RTN4: variants seen among roughly 807,000 people sequenced by gnomAD.
RTN4 encodes reticulon 4.
RTN4 carries 32 observed loss-of-function variants against 90.4 expected under a neutral mutation model. That is an observed-to-expected ratio of 0.35 (90% CI 0.27 to 0.48). The LOEUF (loss-of-function observed/expected upper bound fraction) is 0.48. Ranked by LOEUF, RTN4 falls within the 20% of genes least tolerant of loss-of-function variation. The pLI is 0.99. For missense variants in RTN4, 1,706 were observed against 1,430.2 expected, an observed-to-expected ratio of 1.19 and a Z score of -3.11; for synonymous variants, 629 against 552.5, an observed-to-expected ratio of 1.14 and a Z score of -1.94.
At chr2:55,088,994 G>A (rs368095048) in intron 1 of RTN4, among the ~76,000 whole-genome samples, 5 of 152,148 alleles carry the variant, frequency 3.3e-5, no homozygotes, top group South Asian at 2.1e-4. Flanking sequence ...GTGCAGTGGC[G>A]CGATCTCAGC....
At chr2:55,017,547 A>G (rs183151005) in intron 3 of RTN4, among the ~76,000 whole-genome samples, 161 of 152,336 alleles carry the variant, frequency 1.1e-3, no homozygotes, top group African/African-American at 3.4e-3. Flanking sequence ...TCAGCAAGAC[A>G]CAATCTATAT....
At chr2:55,096,928 C>A (rs1302528799) in intron 1 of RTN4, among the ~76,000 whole-genome samples, 1 of 151,800 alleles carries the variant, frequency 6.6e-6, no homozygotes, top group Non-Finnish European at 1.5e-5. Context: ...TGGATAATTG[C>A]AAGGTTGTTA....
Position 54,997,301 on chromosome 2 carries a change from A to G in RTN4, c.3014-9603T>C, listed in dbSNP as rs1230157931. Among the ~76,000 whole-genome samples, 13 of 152,316 alleles carry G rather than the reference A, an allele frequency of 8.5e-5. No homozygotes were observed. The East Asian group carries it at 2.1e-3, about 25-fold the overall frequency. On this transcript the variant is annotated intron_variant, in intron 3 of 8. Transcript: ENST00000337526. ...TATAAAAATGCAAACCAAAACCACA[A>G]TGAGATACCACTTCATACCCCCTAG...
At chr2:54,978,366 G>T (rs938371125) in intron 5 of RTN4, among the ~76,000 whole-genome samples, 2 of 146,578 alleles carry the variant, frequency 1.4e-5, no homozygotes, top group African/African-American at 5.0e-5. Context: ...GAAGGCAAAG[G>T]TTGCAGTGAG....
At chr2:55,132,492 G>C in the RTN4 span, among the ~76,000 whole-genome samples, 1 of 129,480 alleles carries the variant, frequency 7.7e-6, no homozygotes, top group Admixed American at 8.5e-5. Context: ...AACAGAGTGA[G>C]ACTCTGTCTC....
intron 1 of RTN4, among the ~76,000 whole-genome samples, chr2:55,101,669 C>T (rs1239144145): frequency 2.0e-5 from 3 of 152,116 alleles, no homozygotes; most frequent in Non-Finnish European, 2.9e-5. Context: ...ACCAGCTACA[C>T]AGAGATGAAA....
chr2:55,131,247 C>T, the RTN4 span, among the ~76,000 whole-genome samples: 2 of 150,782 alleles, frequency 1.3e-5, no homozygotes, highest in South Asian at 4.2e-4. Flanking sequence ...CTCACCCTTT[C>T]ACCCAGGCTG....
chr2:55,078,629 G>A lies in RTN4; in HGVS notation c.-63+1860C>T, dbSNP rs1345241743. Among the ~76,000 whole-genome samples, 3 of 152,168 alleles carry A rather than the reference G, an allele frequency of 2.0e-5. No homozygotes were observed. The East Asian group carries it at 5.8e-4, about 29-fold the overall frequency. On this transcript the variant is annotated intron_variant, in intron 2 of 3. Coordinates refer to the RTN4 transcript ENST00000427710. Reference sequence around the variant, plus strand: ...ATACTTGCAAGATACTATCCTGTGAGTTGTGAGCATATAAAATGACTCAAA... The same window carrying A: ...ATACTTGCAAGATACTATCCTGTGAATTGTGAGCATATAAAATGACTCAAA...
intron 2 of RTN4, among the ~76,000 whole-genome samples, chr2:55,078,210 G>A (rs138461647): frequency 2.1e-3 from 318 of 152,072 alleles, no homozygotes; most frequent in African/African-American, 7.2e-3. Context: ...AGAAATAATG[G>A]TTTTTAACAG....
chr2:55,128,245 G>C, the RTN4 span, among the ~76,000 whole-genome samples: 1 of 152,144 alleles, frequency 6.6e-6, no homozygotes, highest in Non-Finnish European at 1.5e-5. Context: ...TGGGACTGCT[G>C]TGTCAAGGAA....
intron 3 of RTN4, among the ~76,000 whole-genome samples, chr2:55,007,906 C>T (rs1680347130): frequency 1.3e-5 from 2 of 152,028 alleles, no homozygotes. Context: ...ATATCATTCT[C>T]CTACCCCATC....
At chr2:54,983,757 TTAGA>T (rs1410154751) in intron 4 of RTN4, among the ~76,000 whole-genome samples, 1 of 152,220 alleles carries the variant, frequency 6.6e-6, no homozygotes, top group African/African-American at 2.4e-5. Context: ...GTGAGCTATC[TTAGA>T]TAGTGCTGTC....
chr2:55,136,336 G>A, the RTN4 span, among the ~76,000 whole-genome samples: 4 of 152,294 alleles, frequency 2.6e-5, no homozygotes, highest in Admixed American at 2.6e-4. Flanking sequence ...AGGCAACTGT[G>A]CATACAGACA....
chr2:55,092,326 C>T (rs1490136554), intron 1 of RTN4, among the ~76,000 whole-genome samples: 1 of 151,326 alleles, frequency 6.6e-6, no homozygotes, highest in African/African-American at 2.4e-5. Context: ...ACCTCCACCT[C>T]CTGGGTTCAA....
chr2:54,980,051 T>C (rs1002652458), intron 5 of RTN4, among the ~76,000 whole-genome samples: 10 of 152,200 alleles, frequency 6.6e-5, no homozygotes, highest in Non-Finnish European at 1.5e-4. Context: ...ATCTGTCTCA[T>C]CATGTGTTAC....
Position 55,012,772 on chromosome 2 carries a change from A to G in RTN4, c.3013+12314T>C, listed in dbSNP as rs144577958. ...TCCTTCAACTCTAGGCAATAACCCA[A>G]TCTTTCTAAACAGAATTGCCCCCTC... On this transcript the variant is annotated intron_variant, in intron 3 of 8. Coordinates refer to ENST00000337526, the MANE Select transcript of RTN4 (RefSeq NM_020532.5). Among the ~76,000 whole-genome samples the G allele has an allele frequency of 7.3e-3, 1,107 of 152,250 alleles. 8 individuals carry two copies. Among genetic ancestry groups the G allele is most frequent in the Middle Eastern group, 0.01 (3 of 292 alleles).
At chr2:55,034,567 A>C (rs1254219494) in intron 1 of RTN4, among the ~76,000 whole-genome samples, 3 of 152,230 alleles carry the variant, frequency 2.0e-5, no homozygotes, top group Non-Finnish European at 4.4e-5. Context: ...ATAAAAGCTG[A>C]AAACAGAAGC....
intron 1 of RTN4, among the ~76,000 whole-genome samples, chr2:55,096,093 G>A (rs1053303351): frequency 2.6e-5 from 4 of 152,152 alleles, no homozygotes; most frequent in Admixed American, 6.5e-5. Context: ...TTGGGAGGCC[G>A]AGGCGGGTGG....
chr2:54,973,063 A>T lies in RTN4; in HGVS notation c.*93T>A. 1.0e-6 allele frequency: 1 copy of T among 996,058 alleles called. No individual in the cohort carries two copies. Among genetic ancestry groups the T allele is most frequent in the South Asian group, 1.5e-5 (1 of 67,512 alleles). The allele number at this position is 996,058 out of a possible 1,614,324, so 61.7% of individuals were successfully genotyped here. A position where few individuals can be genotyped will look rare whatever the true frequency, so the allele number is the denominator to read the frequency against. The stretch of plus-strand genomic sequence containing the variant: ...ACAACGATCTGTGAAACTGCACTGC[A>T]ACGTCAAGGTTCGTTCTTCCCTGAC... On this transcript the variant is annotated 3_prime_UTR_variant, in exon 9 of 9. Coordinates refer to ENST00000337526, the MANE Select transcript of RTN4 (RefSeq NM_020532.5).
Sources: gnomAD v4.1 joint callset for allele counts (sites outside exome capture counted in the v4.1 genomes callset) on GRCh38, gnomAD v4.1.1 for gene constraint, MANE v1.5 for transcripts, NCBI Gene and HGNC (gene_info 2026-07-23, HGNC 2026-07-21) for gene names.